Variants in PCDH11Y observed in about 807,000 individuals in gnomAD.
PCDH11Y encodes the protein protocadherin 11 Y-linked.
For missense variants in PCDH11Y, 12 were observed against 224.8 expected (o/e 0.05, Z 6.05); for synonymous variants, 9 against 83.6 (o/e 0.11, Z 4.87).
intron 4 of PCDH11Y, among the ~76,000 whole-genome samples, chrY:5,717,972 A>C: frequency 3.0e-4 from 9 of 30,506 alleles, no homozygotes; most frequent in Non-Finnish European, 7.9e-5. Context: ...ATATTAAGTG[A>C]AATAAGCCAA....
exon 5 of PCDH11Y, chrY:5,740,570 A>G: frequency 3.0e-5 from 1 of 33,099 alleles, no homozygotes; most frequent in Non-Finnish European, 7.5e-5. Flanking sequence ...ATTCTCCCCT[A>G]TGCCTTCTCT....
intron 2 of PCDH11Y, among the ~76,000 whole-genome samples, chrY:5,436,023 T>C (rs2053274939): frequency 5.9e-5 from 2 of 34,151 alleles, no homozygotes; most frequent in South Asian, 6.3e-4. Context: ...ACCATTATGT[T>C]TTCTTGTTTC....
intron 2 of PCDH11Y, among the ~76,000 whole-genome samples, chrY:5,479,349 T>C (rs2124685605): frequency 2.9e-5 from 1 of 33,950 alleles, no homozygotes; most frequent in South Asian, 6.4e-4. Context: ...TTAAGAATGT[T>C]GAATATTGGC....
chrY:5,414,865 G>A (rs2053251660), intron 2 of PCDH11Y, among the ~76,000 whole-genome samples: 1 of 32,687 alleles, frequency 3.1e-5, no homozygotes, highest in Non-Finnish European at 7.4e-5. Context: ...CTGGATTCAA[G>A]TGATTCTCCT....
At chrY:5,136,572 A>G (rs2052841049) in intron 2 of PCDH11Y, among the ~76,000 whole-genome samples, 1 of 33,079 alleles carries the variant, frequency 3.0e-5, no homozygotes, top group Non-Finnish European at 7.4e-5. Flanking sequence ...TAAAGAAATT[A>G]AAAAACAATA....
At chrY:5,214,075 G>A (rs2124651459) in intron 2 of PCDH11Y, among the ~76,000 whole-genome samples, 7 of 32,503 alleles carry the variant, frequency 2.2e-4, no homozygotes, top group Non-Finnish European at 3.0e-4. Flanking sequence ...AGCCCAGATC[G>A]TGCCACCACA....
chrY:5,636,416 A>G (rs2053517912), intron 4 of PCDH11Y, among the ~76,000 whole-genome samples: 1 of 33,518 alleles, frequency 3.0e-5, no homozygotes, highest in South Asian at 6.5e-4. Flanking sequence ...AACCCAAAAT[A>G]TAAAAAACAG....
At chrY:5,049,637 T>C in intron 3 of PCDH11Y, among the ~76,000 whole-genome samples, 1 of 28,825 alleles carries the variant, frequency 3.5e-5, no homozygotes, top group Non-Finnish European at 8.3e-5. Context: ...CTCAGCTCAC[T>C]GCAAGCTCCG....
At chrY:5,088,606 C>T (rs2124633458) in intron 1 of PCDH11Y, among the ~76,000 whole-genome samples, 9 of 32,946 alleles carry the variant, frequency 2.7e-4, no homozygotes, top group African/African-American at 1.1e-3. Context: ...GTTATATTCA[C>T]GGCACTTGAA....
At chrY:5,371,240 G>T (rs2053186925) in intron 2 of PCDH11Y, among the ~76,000 whole-genome samples, 19 of 32,461 alleles carry the variant, frequency 5.9e-4, no homozygotes, top group Admixed American at 8.6e-4. Flanking sequence ...CTTTTGGGGG[G>T]TGGGGGTGAG....
At chrY:5,709,077 C>CT (rs1183837736) in intron 4 of PCDH11Y, among the ~76,000 whole-genome samples, 65 of 27,299 alleles carry the variant, frequency 2.4e-3, no homozygotes, top group African/African-American at 7.7e-3. Flanking sequence ...ATATATTTTT[C>CT]TTTTTTTTTT....
intron 2 of PCDH11Y, among the ~76,000 whole-genome samples, chrY:5,240,916 T>G: frequency 1.3e-4 from 3 of 22,659 alleles, no homozygotes; most frequent in Admixed American, 8.4e-4. Context: ...AGCCAGGTAT[T>G]GACTTCTCTG....
At chrY:5,147,245 C>A (rs2052858000) in intron 2 of PCDH11Y, among the ~76,000 whole-genome samples, 1 of 30,972 alleles carries the variant, frequency 3.2e-5, no homozygotes, top group Non-Finnish European at 7.7e-5. Flanking sequence ...CTTTAGAGAA[C>A]CCTAACTAAT....
intron 4 of PCDH11Y, among the ~76,000 whole-genome samples, chrY:5,650,066 G>A (rs2053530108): frequency 1.3e-3 from 42 of 32,787 alleles, no homozygotes; most frequent in African/African-American, 4.1e-3. Context: ...GATGGAGATC[G>A]TTTCAGTGCA....
intron 2 of PCDH11Y, among the ~76,000 whole-genome samples, chrY:5,389,442 C>T: frequency 3.1e-5 from 1 of 31,836 alleles, no homozygotes; most frequent in African/African-American, 1.2e-4. Context: ...AATACTAACA[C>T]ATGTAACTGC....
chrY:5,434,928 G>C, intron 2 of PCDH11Y, among the ~76,000 whole-genome samples: 3 of 33,080 alleles, frequency 9.1e-5, no homozygotes, highest in African/African-American at 3.6e-4. Flanking sequence ...TAAAGAAGGG[G>C]GATTGGGGTA....
In PCDH11Y at chrY:5,508,594, T is replaced by C; in HGVS notation, c.3328+7339T>C. 1.8e-4 allele frequency among the ~76,000 whole-genome samples: 6 copies of C among 33,689 alleles called. No individual in the cohort carries two copies. In the South Asian group the frequency reaches 3.9e-3, roughly 22 times the overall value. 90.4% of individuals were successfully genotyped at this position (33,689 alleles called of 37,273 possible). The stretch of plus-strand genomic sequence containing the variant: ...AATTTGTATAGACCTGAAAGGCTGG[T>C]AATTTTAAATATTATTTTGGGGTAT... On this transcript the variant is annotated intron_variant, in intron 3 of 4. Coordinates refer to the PCDH11Y transcript ENST00000400457.
At chrY:5,311,474 GATATATATATAT>G (rs752106921) in intron 2 of PCDH11Y, among the ~76,000 whole-genome samples, 3 of 14,278 alleles carry the variant, frequency 2.1e-4, no homozygotes, top group African/African-American at 4.0e-4. Context: ...AAAGAGAAAA[GATATATATATAT>G]ATATATATAT....
intron 1 of PCDH11Y, among the ~76,000 whole-genome samples, chrY:5,066,153 G>C (rs2052686772): frequency 3.6e-5 from 1 of 27,781 alleles, no homozygotes; most frequent in African/African-American, 1.4e-4. Flanking sequence ...TGGCTTATAA[G>C]AGAGCCAAGA....
Sources: gnomAD v4.1 joint callset for allele counts (sites outside exome capture counted in the v4.1 genomes callset) on GRCh38, gnomAD v4.1.1 for gene constraint, MANE v1.5 for transcripts, NCBI Gene and HGNC (gene_info 2026-07-23, HGNC 2026-07-21) for gene names.